B3GAT2: variants seen among roughly 807,000 people sequenced by gnomAD.
B3GAT2 encodes the protein galactosylgalactosylxylosylprotein 3-beta-glucuronosyltransferase 2.
A neutral mutation model predicts 27.8 loss-of-function variants in B3GAT2; 26 were observed. The ratio of observed to expected loss-of-function variants is 0.93; its 90% CI spans 0.68 to 1.30. The LOEUF is 1.30. B3GAT2 is among the 50% of genes most tolerant of loss of function. The pLI is 0.00. For missense variants in B3GAT2, 458 were observed against 459.0 expected (o/e 1.00, Z 0.02); for synonymous variants, 218 against 195.1 (o/e 1.12, Z -0.98).
chr6:70,884,231 T>C (rs1772146386), intron 2 of B3GAT2, among the ~76,000 whole-genome samples: 1 of 152,116 alleles, frequency 6.6e-6, no homozygotes. Context: ...GCCATTTTGA[T>C]GCGAAGCCAT....
At chr6:70,955,754 G>A in intron 1 of B3GAT2, 85 bp downstream of exon 1, 2 of 1,410,252 alleles carry the variant, frequency 1.4e-6, no homozygotes, top group South Asian at 1.4e-5. Flanking sequence ...TGCACCCGGA[G>A]TGCAAGGGGC....
At chr6:70,901,338 A>G (rs1359765873) in intron 1 of B3GAT2, among the ~76,000 whole-genome samples, 1 of 152,184 alleles carries the variant, frequency 6.6e-6, no homozygotes, top group Non-Finnish European at 1.5e-5. Flanking sequence ...GGCATTTTCT[A>G]ATGCCATTCT....
At position 70,856,704 on chromosome 6, in the gene B3GAT2, T is replaced by C. The variant is rs1771439797; in HGVS notation, c.*4959A>G. The C allele has an allele frequency of 1.6e-6, 1 of 637,488 alleles. No individual in the cohort carries two copies. Among genetic ancestry groups the C allele is most frequent in the Non-Finnish European group, 2.6e-6 (1 of 389,058 alleles). The allele number at this position is 637,488 out of a possible 1,614,324, so 39.5% of individuals were successfully genotyped here. On this transcript the variant is annotated 3_prime_UTR_variant, in exon 4 of 4. Coordinates refer to ENST00000230053, the MANE Select transcript of B3GAT2 (RefSeq NM_080742.3). ...TGATTGTAGATGTTTTTATATGGGC[T>C]TGGGCTTGTAAGTGATCCTCTTGAA...
intron 1 of B3GAT2, among the ~76,000 whole-genome samples, chr6:70,950,253 C>A (rs949308667): frequency 6.8e-6 from 1 of 147,260 alleles, no homozygotes; most frequent in South Asian, 2.2e-4. Context: ...GATCAACCCA[C>A]AGAACAAAGA....
At chr6:70,872,168 A>G (rs1771948228) in intron 2 of B3GAT2, among the ~76,000 whole-genome samples, 1 of 151,886 alleles carries the variant, frequency 6.6e-6, no homozygotes, top group South Asian at 2.1e-4. Flanking sequence ...AGCGTATTCC[A>G]TTCTTGTTGG....
At chr6:70,942,609 T>C (rs1297370441) in intron 1 of B3GAT2, among the ~76,000 whole-genome samples, 2 of 152,180 alleles carry the variant, frequency 1.3e-5, no homozygotes, top group African/African-American at 4.8e-5. Flanking sequence ...GCACTGAAGC[T>C]ACCATGCATA....
chr6:70,880,080 G>T (rs940836229), intron 2 of B3GAT2, among the ~76,000 whole-genome samples: 14 of 150,492 alleles, frequency 9.3e-5, no homozygotes, highest in African/African-American at 3.2e-4. Context: ...ATGACGGGGC[G>T]TGGGGGTGGG....
Position 70,940,753 on chromosome 6 carries a change from C to T in B3GAT2, c.591+15086G>A, listed in dbSNP as rs1338023903. Among the ~76,000 whole-genome samples the T allele has an allele frequency of 3.9e-5, 6 of 152,218 alleles. No individual in the cohort carries two copies. The South Asian group carries it at 1.0e-3, about 26-fold the overall frequency. On this transcript the variant is annotated intron_variant, in intron 1 of 3. Coordinates refer to ENST00000230053, the MANE Select transcript of B3GAT2 (RefSeq NM_080742.3). ...GACCAACCTGGCCAACATGTTGAAA[C>T]CCCACCTTTACTAAAAATACAAAAA...
chr6:70,919,213 A>G (rs1236541984), intron 1 of B3GAT2, among the ~76,000 whole-genome samples: 2 of 152,134 alleles, frequency 1.3e-5, no homozygotes. Flanking sequence ...TGTATGTTTC[A>G]TAAAGTTCTT....
chr6:70,943,944 T>C (rs1193931201), intron 1 of B3GAT2, among the ~76,000 whole-genome samples: 1 of 152,114 alleles, frequency 6.6e-6, no homozygotes, highest in Non-Finnish European at 1.5e-5. Flanking sequence ...GCTGAGGAGA[T>C]TTTAAATGTT....
intron 2 of B3GAT2, among the ~76,000 whole-genome samples, chr6:70,870,899 A>G (rs1562214290): frequency 6.6e-6 from 1 of 152,130 alleles, no homozygotes; most frequent in African/African-American, 2.4e-5. Flanking sequence ...TTTATCAAAT[A>G]AATGAAGTTC....
chr6:70,926,116 C>A (rs1321676538), intron 1 of B3GAT2, among the ~76,000 whole-genome samples: 1 of 152,174 alleles, frequency 6.6e-6, no homozygotes, highest in African/African-American at 2.4e-5. Context: ...AAAGCATCAA[C>A]AAAACTAGCA....
intron 2 of B3GAT2, among the ~76,000 whole-genome samples, chr6:70,874,845 C>A (rs1771987655): frequency 6.6e-6 from 1 of 152,036 alleles, no homozygotes; most frequent in Non-Finnish European, 1.5e-5. Context: ...GAGTTCCAAC[C>A]CTGTTCTGCC....
chr6:70,915,454 G>A (rs539954168), intron 1 of B3GAT2, among the ~76,000 whole-genome samples: 1 of 152,176 alleles, frequency 6.6e-6, no homozygotes, highest in Non-Finnish European at 1.5e-5. Context: ...CACTGCTTTT[G>A]GTGTTTTAGT....
Position 70,859,266 on chromosome 6 carries a change from A to T in B3GAT2, c.*2397T>A. On this transcript the variant is annotated 3_prime_UTR_variant, in exon 4 of 4. Transcript: ENST00000230053. ...TCACATGGTCAACATGCTGAAGCAC[A>T]CCCAGCTCAGGTTAAGGTGCTAGAT... 2 of 1,208,000 alleles carry T rather than the reference A, an allele frequency of 1.7e-6. No homozygotes were observed. Among genetic ancestry groups the T allele is most frequent in the South Asian group, 3.0e-5 (2 of 66,120 alleles). The allele number at this position is 1,208,000 out of a possible 1,614,324, so 74.8% of individuals were successfully genotyped here. A position where few individuals can be genotyped will look rare whatever the true frequency, so the allele number is the denominator to read the frequency against.
intron 1 of B3GAT2, among the ~76,000 whole-genome samples, chr6:70,944,542 T>C (rs1026024232): frequency 3.3e-5 from 5 of 152,186 alleles, no homozygotes; most frequent in Admixed American, 2.0e-4. Flanking sequence ...TTGCCCAGGC[T>C]TGCTTAGGTA....
chr6:70,883,777 T>C (rs779812749), intron 2 of B3GAT2, among the ~76,000 whole-genome samples: 1 of 152,244 alleles, frequency 6.6e-6, no homozygotes, highest in Non-Finnish European at 1.5e-5. Flanking sequence ...GCATTCCCAA[T>C]GAATACAGGC....
At chr6:70,928,923 A>C (rs4392687) in intron 1 of B3GAT2, among the ~76,000 whole-genome samples, 74,046 of 152,032 alleles carry the variant, frequency 0.49, 18,621 homozygotes, top group East Asian at 0.69. Flanking sequence ...ATGTTTATTG[A>C]GGCACTATTC....
At chr6:70,868,021 C>G (rs933797346) in intron 2 of B3GAT2, among the ~76,000 whole-genome samples, 21 of 151,930 alleles carry the variant, frequency 1.4e-4, no homozygotes, top group African/African-American at 5.1e-4. Context: ...ATGTAATTCA[C>G]CATATTAGCA....
Sources: gnomAD v4.1 joint callset for allele counts (sites outside exome capture counted in the v4.1 genomes callset) on GRCh38, gnomAD v4.1.1 for gene constraint, MANE v1.5 for transcripts, NCBI Gene and HGNC (gene_info 2026-07-23, HGNC 2026-07-21) for gene names.